The following GALNT13 variants were observed in gnomAD, a reference collection of about 807,000 sequenced individuals.
The protein encoded by GALNT13 is polypeptide N-acetylgalactosaminyltransferase 13.
In GALNT13, 28 loss-of-function variants were observed where a neutral mutation model predicts 64.2. The ratio of observed to expected loss-of-function variants is 0.44; its 90% CI spans 0.32 to 0.60. GALNT13 has a LOEUF of 0.60. Ranked by LOEUF, GALNT13 falls within the 20% of genes least tolerant of loss-of-function variation. GALNT13 has a pLI of 0.05. For synonymous variants in GALNT13, 214 were observed against 224.6 expected (o/e 0.95, Z 0.42); for missense variants, 577 against 669.8 (o/e 0.86, Z 1.53).
the GALNT13 span, among the ~76,000 whole-genome samples, chr2:153,693,890 G>A: frequency 2.6e-5 from 4 of 152,126 alleles, no homozygotes; most frequent in South Asian, 4.2e-4. Flanking sequence ...CGAGGTGGGC[G>A]GATCATGAGG....
the GALNT13 span, among the ~76,000 whole-genome samples, chr2:153,554,561 C>G: frequency 6.6e-6 from 1 of 152,080 alleles, no homozygotes; most frequent in Non-Finnish European, 1.5e-5. Context: ...GGAATTTAAA[C>G]CAGTTTCTTA....
intron 8 of GALNT13, among the ~76,000 whole-genome samples, chr2:154,261,570 A>G (rs1690698602): frequency 6.6e-6 from 1 of 152,148 alleles, no homozygotes; most frequent in Non-Finnish European, 1.5e-5. Flanking sequence ...AGCATTTATA[A>G]TCAGAGGGTT....
At chr2:154,351,614 C>A (rs1470428839) in intron 9 of GALNT13, among the ~76,000 whole-genome samples, 1 of 140,762 alleles carries the variant, frequency 7.1e-6, no homozygotes, top group Non-Finnish European at 1.5e-5. Context: ...ACCCTGGAGG[C>A]GGAGTTTGCA....
intron 3 of GALNT13, among the ~76,000 whole-genome samples, chr2:154,096,455 AT>A (rs1344472091): frequency 2.0e-5 from 3 of 152,044 alleles, no homozygotes; most frequent in Non-Finnish European, 4.4e-5. Flanking sequence ...TGACAAAAAT[AT>A]TTCTCAACAC....
the GALNT13 span, among the ~76,000 whole-genome samples, chr2:153,402,807 G>T: frequency 1.3e-5 from 2 of 151,970 alleles, no homozygotes; most frequent in South Asian, 2.1e-4. Flanking sequence ...CTCTGTATTG[G>T]TTATTCTAGT....
At chr2:153,663,645 A>T in the GALNT13 span, among the ~76,000 whole-genome samples, 1 of 152,156 alleles carries the variant, frequency 6.6e-6, no homozygotes, top group Non-Finnish European at 1.5e-5. Flanking sequence ...CTGCAGCTCC[A>T]AACTGGGGGA....
chr2:154,208,165 G>T (rs1687566125), intron 4 of GALNT13, among the ~76,000 whole-genome samples: 1 of 152,054 alleles, frequency 6.6e-6, no homozygotes. Context: ...TGTAAAAAGA[G>T]CAAGAAAAAT....
the GALNT13 span, among the ~76,000 whole-genome samples, chr2:153,726,171 A>G: frequency 6.6e-6 from 1 of 152,200 alleles, no homozygotes; most frequent in Non-Finnish European, 1.5e-5. Context: ...ATATACAGAA[A>G]AATTACAGAA....
chr2:154,340,878 TC>T, intron 9 of GALNT13, among the ~76,000 whole-genome samples: 1 of 130,800 alleles, frequency 7.6e-6, no homozygotes, highest in Non-Finnish European at 1.6e-5. Flanking sequence ...GTCACAGATA[TC>T]TTTGTTCTTT....
intron 4 of GALNT13, among the ~76,000 whole-genome samples, chr2:154,191,274 C>T (rs915353992): frequency 2.6e-5 from 4 of 152,194 alleles, no homozygotes; most frequent in Non-Finnish European, 4.4e-5. Flanking sequence ...CACGCACACA[C>T]ACACCACTTA....
the GALNT13 span, among the ~76,000 whole-genome samples, chr2:153,462,225 G>A: frequency 6.6e-6 from 1 of 151,754 alleles, no homozygotes; most frequent in Non-Finnish European, 1.5e-5. Context: ...CATATAAATA[G>A]TAGGTAAAAA....
chr2:153,854,117 T>C, the GALNT13 span, among the ~76,000 whole-genome samples: 3 of 152,068 alleles, frequency 2.0e-5, no homozygotes, highest in Admixed American at 1.3e-4. Flanking sequence ...TAATTATTGC[T>C]AATAACATAA....
the GALNT13 span, among the ~76,000 whole-genome samples, chr2:153,427,545 G>A: frequency 2.7e-4 from 41 of 152,214 alleles, no homozygotes; most frequent in Middle Eastern, 3.4e-3. Flanking sequence ...GGTTGAGTTA[G>A]ACATTAGCCT....
intron 3 of GALNT13, among the ~76,000 whole-genome samples, chr2:153,958,786 G>A (rs1411706390): frequency 3.9e-5 from 6 of 152,230 alleles, no homozygotes; most frequent in Non-Finnish European, 8.8e-5. Flanking sequence ...GGGTTACACA[G>A]AAAGGGAGGA....
At chr2:153,457,934 A>G in the GALNT13 span, among the ~76,000 whole-genome samples, 1 of 152,148 alleles carries the variant, frequency 6.6e-6, no homozygotes, top group Non-Finnish European at 1.5e-5. Context: ...GTGAGGCCAG[A>G]AACCCTGGAG....
chr2:153,188,111 G>A, the GALNT13 span, among the ~76,000 whole-genome samples: 163 of 151,974 alleles, frequency 1.1e-3, 1 homozygote, highest in African/African-American at 3.9e-3. Context: ...ATTTACTGGT[G>A]AAATAGTAAA....
chr2:154,388,091 AT>A (rs1381943535), intron 9 of GALNT13, among the ~76,000 whole-genome samples: 15 of 152,022 alleles, frequency 9.9e-5, no homozygotes, highest in African/African-American at 3.4e-4. Context: ...TGTCTTTTAT[AT>A]TTCTGATAAA....
the GALNT13 span, among the ~76,000 whole-genome samples, chr2:153,657,373 G>T: frequency 2.6e-5 from 4 of 152,106 alleles, no homozygotes; most frequent in South Asian, 8.3e-4. Flanking sequence ...GGGAACTATT[G>T]CAATAGATGG....
chr2:153,871,331 G>T (rs780524706), upstream of GALNT13, among the ~76,000 whole-genome samples: 1 of 152,126 alleles, frequency 6.6e-6, no homozygotes, highest in Non-Finnish European at 1.5e-5. Flanking sequence ...AGTAGTCACC[G>T]CCAACCAGAA....
Sources: gnomAD v4.1 joint callset for allele counts (sites outside exome capture counted in the v4.1 genomes callset) on GRCh38, gnomAD v4.1.1 for gene constraint, MANE v1.5 for transcripts, NCBI Gene and HGNC (gene_info 2026-07-23, HGNC 2026-07-21) for gene names.